Variants in NHERF2 observed in about 807,000 individuals in gnomAD.
The protein encoded by NHERF2 is NHERF family PDZ scaffold protein 2.
At chr16:2,032,813 A>G in the NHERF2 span, 2 of 996,172 alleles carry the variant, frequency 2.0e-6, no homozygotes, top group Non-Finnish European at 2.4e-6. This position sits in a 1 kb window ranked among gnomAD's most constrained non-coding sequence, Gnocchi z 4.0. Flanking sequence ...CGGGGTGGCC[A>G]GCGGTGCCAG....
At chr16:2,029,808 C>A in the NHERF2 span, 3 of 1,533,140 alleles carry the variant, frequency 2.0e-6, no homozygotes, top group Middle Eastern at 5.3e-4. Context: ...CCCACAGGGA[C>A]CACCCTAGCC....
At chr16:2,035,082 G>C in the NHERF2 span, among the ~76,000 whole-genome samples, 22 of 152,260 alleles carry the variant, frequency 1.4e-4, no homozygotes, top group African/African-American at 4.3e-4. Context: ...GACGGGCTGG[G>C]TGGTGGCCAT....
chr16:2,030,174 T>C, the NHERF2 span, among the ~76,000 whole-genome samples: 7,756 of 152,216 alleles, frequency 0.051, 667 homozygotes, highest in African/African-American at 0.18. Flanking sequence ...CGTGGCTCTG[T>C]CTTTGTCTCT....
At chr16:2,030,951 A>G in the NHERF2 span, among the ~76,000 whole-genome samples, 1 of 152,184 alleles carries the variant, frequency 6.6e-6, no homozygotes, top group Non-Finnish European at 1.5e-5. Flanking sequence ...AAAAAAACAA[A>G]AAAAGGAAAA....
At chr16:2,029,850 G>A in the NHERF2 span, 2 of 1,385,730 alleles carry the variant, frequency 1.4e-6, no homozygotes, top group Non-Finnish European at 2.0e-6. Flanking sequence ...TTTTGACGAC[G>A]ATCTTTGCCT....
the NHERF2 span, chr16:2,038,346 C>CT: frequency 1.1e-5 from 5 of 474,652 alleles, no homozygotes; most frequent in Admixed American, 8.1e-5. Flanking sequence ...TGTGTTTTTG[C>CT]TTTTTTTCCA....
At chr16:2,037,631 C>T in the NHERF2 span, 391 of 1,606,192 alleles carry the variant, frequency 2.4e-4, no homozygotes, top group Non-Finnish European at 3.1e-4. Flanking sequence ...TGAGCTCACA[C>T]GTGGGGTTGC....
the NHERF2 span, chr16:2,038,648 T>G: frequency 1.5e-5 from 4 of 274,484 alleles, no homozygotes; most frequent in African/African-American, 2.4e-5. Context: ...CCTGCCCTGG[T>G]GTGGGGGTCC....
chr16:2,027,301 C>A, the NHERF2 span: 1 of 808,218 alleles, frequency 1.2e-6, no homozygotes, highest in Non-Finnish European at 1.7e-6. Flanking sequence ...CACGGGGGCC[C>A]GAGGGGGCTC....
At chr16:2,032,748 G>C in the NHERF2 span, 1 of 945,704 alleles carries the variant, frequency 1.1e-6, no homozygotes. The surrounding 1 kb of genome is among the most constrained non-coding windows in gnomAD (Gnocchi z 4.0). Flanking sequence ...GGTGGCCGCA[G>C]CTGCAGTGCA....
At chr16:2,035,790 C>T in the NHERF2 span, 3 of 675,068 alleles carry the variant, frequency 4.4e-6, no homozygotes, top group East Asian at 1.3e-4. Context: ...GCCCCAGCCC[C>T]TGCTTGCTGG....
At chr16:2,037,428 C>A in the NHERF2 span, 1 of 1,084,568 alleles carries the variant, frequency 9.2e-7, no homozygotes. Context: ...CCGAGGCCCC[C>A]TGCCGAGTGG....
chr16:2,033,320 C>T, the NHERF2 span: 31 of 1,533,002 alleles, frequency 2.0e-5, no homozygotes, highest in Middle Eastern at 2.3e-4. Context: ...CCCGGCCGGA[C>T]GCCTGCCACT....
At chr16:2,027,127 C>T in the NHERF2 span, 2 of 1,471,954 alleles carry the variant, frequency 1.4e-6, no homozygotes, top group Non-Finnish European at 1.8e-6. Context: ...CGCGTGGAAC[C>T]CGGTTCCCCC....
chr16:2,038,061 C>T, the NHERF2 span: 83 of 1,548,896 alleles, frequency 5.4e-5, no homozygotes, highest in Non-Finnish European at 7.2e-5. Flanking sequence ...CGAGCTCCCC[C>T]AGCCTCAGTG....
the NHERF2 span, chr16:2,038,144 AC>A: frequency 1.2e-6 from 1 of 850,186 alleles, no homozygotes; most frequent in Non-Finnish European, 1.8e-6. Flanking sequence ...GCCCCTGCCC[AC>A]CAGGTACTGG....
chr16:2,036,264 A>AG, the NHERF2 span: 1 of 1,494,460 alleles, frequency 6.7e-7, no homozygotes, highest in African/African-American at 1.4e-5. Context: ...ACCACCGGGG[A>AG]GTGGCCTCTG....
At chr16:2,037,481 T>C in the NHERF2 span, 2 of 1,404,248 alleles carry the variant, frequency 1.4e-6, no homozygotes, top group Non-Finnish European at 2.0e-6. Context: ...TGCACATGTG[T>C]GCGTGTGCAG....
the NHERF2 span, among the ~76,000 whole-genome samples, chr16:2,028,692 T>C: frequency 2.0e-3 from 300 of 152,222 alleles, 1 homozygote; most frequent in Non-Finnish European, 3.4e-3. Context: ...CTCCTATCTG[T>C]TCACCACCCC....
Sources: allele counts gnomAD v4.1 joint callset (sites outside exome capture counted in the v4.1 genomes callset), GRCh38; gene constraint gnomAD v4.1.1; non-coding constraint Gnocchi (gnomAD v3.1); transcripts MANE v1.5; gene names NCBI Gene and HGNC (gene_info 2026-07-23, HGNC 2026-07-21).